SERPINB5: variants seen among roughly 807,000 people sequenced by gnomAD.
The protein encoded by SERPINB5 is serpin B5.
Under a neutral mutation model 32.2 loss-of-function variants are expected in SERPINB5, and 27 were observed. The observed-to-expected ratio is 0.84, with a 90% CI of 0.62 to 1.16. The LOEUF is 1.16. SERPINB5 is among the 50% of genes most tolerant of loss of function. The pLI is 0.00. For synonymous variants in SERPINB5, 154 were observed against 157.4 expected (o/e 0.98, Z 0.16); for missense variants, 388 against 436.3 (o/e 0.89, Z 0.99).
At chr18:63,490,191 TAAA>T in intron 4 of SERPINB5, among the ~76,000 whole-genome samples, 1 of 151,670 alleles carries the variant, frequency 6.6e-6, no homozygotes, top group Middle Eastern at 3.4e-3. Context: ...GACTCTGTCT[TAAA>T]AAAAGAAAAC....
chr18:63,486,931 T>G lies in SERPINB5; in HGVS notation c.169-15T>G, dbSNP rs773432243. Reference sequence around the variant, plus strand: ...GAGGCAATGCTTTTTGGGTAACGGATTTTTCTCTTAACAGGTTCTTCATTT... The same window carrying G: ...GAGGCAATGCTTTTTGGGTAACGGAGTTTTCTCTTAACAGGTTCTTCATTT... On this transcript the variant is annotated splice_polypyrimidine_tract_variant and intron_variant, in intron 2 of 6. Coordinates refer to ENST00000382771, the MANE Select transcript of SERPINB5 (RefSeq NM_002639.5). 2.6e-5 allele frequency: 42 copies of G among 1,613,288 alleles called. No individual in the cohort carries two copies. The highest frequency in any genetic ancestry group is 6.7e-5 in the Admixed American group (4 of 59,876).
intron 2 of SERPINB5, 153 bp from the exon 3 acceptor site, chr18:63,486,793 G>A (rs751773345): frequency 5.2e-5 from 36 of 689,438 alleles, no homozygotes; most frequent in Non-Finnish European, 4.9e-5. Flanking sequence ...CAGCCTGAAT[G>A]TCAATAGTGC....
intron 6 of SERPINB5, among the ~76,000 whole-genome samples, chr18:63,502,272 A>T (rs1224235937): frequency 1.3e-5 from 2 of 151,500 alleles, no homozygotes; most frequent in African/African-American, 4.9e-5. Flanking sequence ...AGTAGCTGGG[A>T]CTACAGGTGC....
chr18:63,481,743 G>A (rs112865579), intron 1 of SERPINB5, among the ~76,000 whole-genome samples: 37 of 152,302 alleles, frequency 2.4e-4, no homozygotes, highest in African/African-American at 8.2e-4. Flanking sequence ...GTTTCTTTAT[G>A]TTTTCCCAGT....
At chr18:63,488,831 G>A (rs1917255144) in intron 3 of SERPINB5, among the ~76,000 whole-genome samples, 1 of 152,124 alleles carries the variant, frequency 6.6e-6, no homozygotes, top group Non-Finnish European at 1.5e-5. Context: ...TTGTTAAAAT[G>A]CATTCTGATT....
At chr18:63,482,105 ACT>A (rs1220408497) in intron 1 of SERPINB5, among the ~76,000 whole-genome samples, 2 of 152,128 alleles carry the variant, frequency 1.3e-5, no homozygotes, top group East Asian at 3.9e-4. Context: ...GCTTTTTCAG[ACT>A]CTGAGATATA....
intron 2 of SERPINB5, among the ~76,000 whole-genome samples, chr18:63,484,992 G>A (rs1339353011): frequency 1.3e-5 from 2 of 151,864 alleles, no homozygotes; most frequent in African/African-American, 4.8e-5. Context: ...CGCCTGCCTC[G>A]GCCTCCCAAA....
At chr18:63,503,151 C>T (rs188888643) in intron 6 of SERPINB5, among the ~76,000 whole-genome samples, 179 bp from the exon 7 acceptor site, 4 of 152,298 alleles carry the variant, frequency 2.6e-5, no homozygotes, top group African/African-American at 7.2e-5. Context: ...GAGGAGGACA[C>T]AGCTGGGTGG....
In SERPINB5 at chr18:63,504,967, T is replaced by C. The variant is rs1057421857; in HGVS notation, c.*1245T>C. 2.0e-5 allele frequency: 3 copies of C among 152,192 alleles called. No individual in the cohort carries two copies. The highest frequency in any genetic ancestry group is 4.8e-5 in the African/African-American group (2 of 41,452). The allele number at this position is 152,192 out of a possible 1,614,324, so 9.4% of individuals were successfully genotyped here. A position where few individuals can be genotyped will look rare whatever the true frequency, so the allele number is the denominator to read the frequency against. On this transcript the variant is annotated 3_prime_UTR_variant, in exon 7 of 7. Coordinates refer to ENST00000382771, the MANE Select transcript of SERPINB5 (RefSeq NM_002639.5). The stretch of plus-strand genomic sequence containing the variant: ...AAAAAATATGTATTTACCAAAAATT[T>C]TGTGACATTCCTTCTCCCATCTCTT...
chr18:63,484,324 C>G (rs1436064602), intron 1 of SERPINB5, 98 bp from the exon 2 acceptor site: 5 of 1,166,496 alleles, frequency 4.3e-6, no homozygotes, highest in Admixed American at 2.9e-5. Context: ...AGATCAATTA[C>G]TTTGTTTAAA....
intron 6 of SERPINB5, 78 bp downstream of exon 6, chr18:63,499,365 C>A (rs947947000): frequency 4.6e-6 from 6 of 1,301,852 alleles, no homozygotes; most frequent in South Asian, 2.1e-5. Flanking sequence ...CTGTGTGGGC[C>A]GTGAGAGCTG....
Position 63,482,220 on chromosome 18 carries a change from G to A in SERPINB5, c.-7-2202G>A, listed in dbSNP as rs552896724. 4.6e-5 allele frequency among the ~76,000 whole-genome samples: 7 copies of A among 152,246 alleles called. No homozygotes were observed. In the East Asian group the frequency reaches 7.7e-4, roughly 17 times the overall value. ...GAGTCCTCTCCTCCATCTTATTCTCGTCTTTGCATTCTGAATTTGTGTCCA... is the reference window on the plus strand; with the variant it reads ...GAGTCCTCTCCTCCATCTTATTCTCATCTTTGCATTCTGAATTTGTGTCCA... On this transcript the variant is annotated intron_variant, in intron 1 of 6. Coordinates refer to ENST00000382771, the MANE Select transcript of SERPINB5 (RefSeq NM_002639.5).
Position 63,503,896 on chromosome 18 carries a change from C to A in SERPINB5, c.*174C>A. 1 of 554,084 alleles carries A rather than the reference C, an allele frequency of 1.8e-6. No homozygotes were observed. Among genetic ancestry groups the A allele is most frequent in the Non-Finnish European group, 3.1e-6 (1 of 320,700 alleles). The allele number at this position is 554,084 out of a possible 1,614,324, so 34.3% of individuals were successfully genotyped here. On this transcript the variant is annotated 3_prime_UTR_variant, in exon 7 of 7. Transcript: ENST00000382771. ...ACACAGATAGACCTTTTTTTTTTTTCCAATTCTATCTTTTGTTTCCTTTTT... is the reference window on the plus strand; with the variant it reads ...ACACAGATAGACCTTTTTTTTTTTTACAATTCTATCTTTTGTTTCCTTTTT...
At chr18:63,489,491 T>C (rs1221475220) in intron 4 of SERPINB5, 27 bp downstream of exon 4, 5 of 1,331,482 alleles carry the variant, frequency 3.8e-6, no homozygotes, top group South Asian at 1.2e-5. Flanking sequence ...TGTTCTGCTA[T>C]CAATCACCAA....
intron 2 of SERPINB5, chr18:63,486,090 C>G (rs1917209295): frequency 1.3e-5 from 2 of 151,778 alleles, no homozygotes; most frequent in Non-Finnish European, 2.9e-5. Flanking sequence ...AATATTATTA[C>G]AAGAATAATT....
chr18:63,493,626 A>T (rs1160731979), intron 5 of SERPINB5: 1 of 162,324 alleles, frequency 6.2e-6, no homozygotes, highest in Non-Finnish European at 1.3e-5. Flanking sequence ...TGGGAAGCCG[A>T]GGAGGGCAGA....
intron 2 of SERPINB5, among the ~76,000 whole-genome samples, chr18:63,485,396 A>G (rs1034760945): frequency 6.6e-6 from 1 of 152,234 alleles, no homozygotes; most frequent in Non-Finnish European, 1.5e-5. Flanking sequence ...TAGGTTCAAT[A>G]GAATTTCTTT....
At chr18:63,497,376 C>T (rs1909471179) in intron 5 of SERPINB5, 1 of 1,262,466 alleles carries the variant, frequency 7.9e-7, no homozygotes, top group Non-Finnish European at 1.1e-6. Context: ...TGATGGTCGC[C>T]TTCCTTATCC....
chr18:63,480,021 C>T (rs1917101276), intron 1 of SERPINB5, among the ~76,000 whole-genome samples: 3 of 152,122 alleles, frequency 2.0e-5, no homozygotes, highest in African/African-American at 7.2e-5. Flanking sequence ...CGGGGAAGTG[C>T]CAGGCTGGGA....
Sources: allele counts gnomAD v4.1 joint callset (sites outside exome capture counted in the v4.1 genomes callset), GRCh38; gene constraint gnomAD v4.1.1; transcripts MANE v1.5; gene names NCBI Gene and HGNC (gene_info 2026-07-23, HGNC 2026-07-21).